The following RERE variants were observed in gnomAD, a reference collection of about 807,000 sequenced individuals.
The protein encoded by RERE is arginine-glutamic acid dipeptide repeats protein.
In RERE, 40 loss-of-function variants were observed where a neutral mutation model predicts 146.1. The observed-to-expected ratio is 0.27, with a 90% CI of 0.21 to 0.36. The LOEUF (loss-of-function observed/expected upper bound fraction) is 0.36, where lower values mean the gene tolerates loss of function less well. Among genes scored for constraint, RERE ranks in the 10% least tolerant of loss-of-function variants. The pLI is 1.00. For synonymous variants in RERE, 1,003 were observed against 866.0 expected (o/e 1.16, Z -2.78); for missense variants, 1,933 against 2,138.7 (o/e 0.90, Z 1.90).
intron 1 of RERE, among the ~76,000 whole-genome samples, chr1:8,774,079 T>C (rs531290122): frequency 6.6e-6 from 1 of 152,260 alleles, no homozygotes; most frequent in East Asian, 1.9e-4. Context: ...ACCTTGTTCC[T>C]AGGTGTCCTC....
intron 11 of RERE, among the ~76,000 whole-genome samples, chr1:8,432,714 G>A (rs960495448): frequency 6.6e-6 from 1 of 152,182 alleles, no homozygotes; most frequent in Non-Finnish European, 1.5e-5. Context: ...TATGATAACT[G>A]TTGGGTGGCT....
At chr1:8,369,500 C>T (rs1397623023) in intron 12 of RERE, among the ~76,000 whole-genome samples, 1 of 120,068 alleles carries the variant, frequency 8.3e-6, no homozygotes, top group Non-Finnish European at 1.6e-5. Context: ...AAATCTTTCG[C>T]CTTTTACTAA....
rs201024519 is a variant in RERE at position 8,385,693 on chromosome 1, CCAAA to C, written c.1285-19723_1285-19720del. Among the ~76,000 whole-genome samples the C allele has an allele frequency of 8.4e-4, 128 of 151,482 alleles. 1 individual carries two copies. Among genetic ancestry groups the C allele is most frequent in the Non-Finnish European group, 1.3e-3 (88 of 67,898 alleles). The stretch of plus-strand genomic sequence containing the variant: ...TTATTTCTTGAAGGGAAGCCTTCTA[CCAAA>C]CAAACAAACAAACAAACAAGAAAAC... On this transcript the variant is annotated intron_variant, in intron 12 of 22. Coordinates refer to ENST00000400908, the MANE Select transcript of RERE (RefSeq NM_001042681.2).
At chr1:8,693,062 G>A (rs1471854901) in intron 1 of RERE, among the ~76,000 whole-genome samples, 3 of 152,100 alleles carry the variant, frequency 2.0e-5, no homozygotes, top group Non-Finnish European at 4.4e-5. Flanking sequence ...TAATAACTAA[G>A]AAGGGCTAAA....
chr1:8,743,743 C>CAG lies in RERE; in HGVS notation c.-145+73415_-145+73416dup, dbSNP rs149949701. On this transcript the variant is annotated intron_variant, in intron 1 of 22. Transcript: ENST00000400908. ...ATCTTTCCTTTACTTCTACAGGGCTCAGTCCCTCACTTATTTGCTAAAATG... is the reference window on the plus strand; with the variant it reads ...ATCTTTCCTTTACTTCTACAGGGCTCAGAGTCCCTCACTTATTTGCTAAAATG... Among the ~76,000 whole-genome samples the CAG allele has an allele frequency of 4.5e-4, 69 of 152,160 alleles. No individual in the cohort carries two copies. In the East Asian group the frequency reaches 0.012, roughly 26 times the overall value.
At chr1:8,532,015 C>T (rs373290102) in intron 7 of RERE, among the ~76,000 whole-genome samples, 1 of 152,208 alleles carries the variant, frequency 6.6e-6, no homozygotes. Context: ...GCATTGTATG[C>T]CTGTATCAAA....
intron 7 of RERE, among the ~76,000 whole-genome samples, chr1:8,522,470 A>C (rs568463467): frequency 2.0e-5 from 3 of 152,374 alleles, no homozygotes; most frequent in Non-Finnish European, 2.9e-5. Context: ...TCAGGAAAAA[A>C]GAACAACTAG....
chr1:8,609,074 C>T (rs1646758139), intron 4 of RERE, among the ~76,000 whole-genome samples: 1 of 152,066 alleles, frequency 6.6e-6, no homozygotes, highest in Admixed American at 6.5e-5. Context: ...AAAAATTAGC[C>T]AGGTGTGGTG....
chr1:8,735,696 T>TAAA (rs1640181050), intron 1 of RERE, among the ~76,000 whole-genome samples: 1 of 152,158 alleles, frequency 6.6e-6, no homozygotes, highest in Non-Finnish European at 1.5e-5. Flanking sequence ...ATGAATGGTT[T>TAAA]AGCACCATCC....
chr1:8,559,307 GAACAA>G (rs1007597812), intron 4 of RERE, among the ~76,000 whole-genome samples: 12 of 65,794 alleles, frequency 1.8e-4, no homozygotes, highest in Admixed American at 6.9e-4. Context: ...AAAAAAAACA[GAACAA>G]AACAAAACAA....
At chr1:8,551,227 C>T (rs1324735427) in intron 6 of RERE, among the ~76,000 whole-genome samples, 1 of 152,202 alleles carries the variant, frequency 6.6e-6, no homozygotes, top group African/African-American at 2.4e-5. Flanking sequence ...TGCTGCCCTC[C>T]ACAATCAATA....
At chr1:8,785,211 G>C (rs755784203) in intron 1 of RERE, among the ~76,000 whole-genome samples, 1 of 152,134 alleles carries the variant, frequency 6.6e-6, no homozygotes, top group East Asian at 1.9e-4. Context: ...ACCATAAAGC[G>C]TAACAATGAA....
chr1:8,736,846 A>AG (rs1273453757), intron 1 of RERE, among the ~76,000 whole-genome samples: 5 of 103,662 alleles, frequency 4.8e-5, no homozygotes, highest in Admixed American at 1.9e-4. Context: ...AGGAGAAGCA[A>AG]GGGGGAAAAA....
At position 8,805,017 on chromosome 1, in the gene RERE, T is replaced by G. The variant is rs903625914; in HGVS notation, c.-145+12143A>C. On this transcript the variant is annotated intron_variant, in intron 1 of 22. Transcript: ENST00000400908. ...TTTTGTTTTGTTTTTGGTTTTTTTT[T>G]TTTTTTTTTTTGAGACAGAGTCTTG... Among the ~76,000 whole-genome samples the G allele has an allele frequency of 1.2e-4, 17 of 143,138 alleles. 2 individuals carry two copies. In the East Asian group the frequency reaches 1.2e-3, roughly 10 times the overall value. The allele number at this position is 143,138 out of a possible 152,430, so 93.9% of individuals were successfully genotyped here. A position where few individuals can be genotyped will look rare whatever the true frequency, so the allele number is the denominator to read the frequency against.
At position 8,644,685 on chromosome 1, in the gene RERE, C is replaced by T. The variant is rs540498763; in HGVS notation, c.325+11288G>A. Among the ~76,000 whole-genome samples, 5 of 152,252 alleles carry T rather than the reference C, an allele frequency of 3.3e-5. 1 individual carries two copies. In the South Asian group the frequency reaches 1.0e-3, roughly 32 times the overall value. ...CTTCTCAGCTTACTTCCCATAGTTT[C>T]CTTATGGACTATGTTGCCCAGGCTA... On this transcript the variant is annotated intron_variant, in intron 2 of 22. Coordinates refer to ENST00000400908, the MANE Select transcript of RERE (RefSeq NM_001042681.2).
At chr1:8,699,450 AT>A (rs1351575814) in intron 1 of RERE, among the ~76,000 whole-genome samples, 1 of 152,224 alleles carries the variant, frequency 6.6e-6, no homozygotes, top group East Asian at 1.9e-4. Context: ...AAGCATCAAC[AT>A]TATTCTGTTT....
At chr1:8,410,571 T>C (rs1643586345) in intron 12 of RERE, among the ~76,000 whole-genome samples, 1 of 152,192 alleles carries the variant, frequency 6.6e-6, no homozygotes, top group Admixed American at 6.5e-5. Context: ...ATTTAATGGG[T>C]TCGATGTCCC....
chr1:8,363,956 A>C (rs781072614), intron 15 of RERE, 100 bp downstream of exon 15: 2 of 1,107,648 alleles, frequency 1.8e-6, no homozygotes, highest in African/African-American at 1.5e-5. Flanking sequence ...TTTGTCTGGT[A>C]AACAAGACTT....
intron 1 of RERE, among the ~76,000 whole-genome samples, chr1:8,728,253 A>C (rs1640011277): frequency 1.3e-5 from 2 of 152,362 alleles, no homozygotes; most frequent in Non-Finnish European, 1.5e-5. Context: ...ATCCAAGTAA[A>C]TTAAAATCAT....
Sources: allele counts gnomAD v4.1 joint callset (sites outside exome capture counted in the v4.1 genomes callset), GRCh38; gene constraint gnomAD v4.1.1; transcripts MANE v1.5; gene names NCBI Gene and HGNC (gene_info 2026-07-23, HGNC 2026-07-21).